The following ZFAND3 variants were observed in gnomAD, a reference collection of about 807,000 sequenced individuals.
The protein encoded by ZFAND3 is zinc finger AN1-type containing 3.
ZFAND3 carries 10 observed loss-of-function variants against 29.6 expected under a neutral mutation model. That is an observed-to-expected ratio of 0.34 (90% CI 0.21 to 0.57). The LOEUF (loss-of-function observed/expected upper bound fraction) is 0.57. ZFAND3 is among the 20% of genes least tolerant of loss of function. ZFAND3 has a pLI of 0.86. For missense variants in ZFAND3, 230 were observed against 304.5 expected (o/e 0.76, Z 1.82); for synonymous variants, 128 against 112.6 (o/e 1.14, Z -0.87).
At chr6:38,111,573 A>G (rs1019459365) in intron 4 of ZFAND3, among the ~76,000 whole-genome samples, 5 of 152,162 alleles carry the variant, frequency 3.3e-5, no homozygotes, top group Non-Finnish European at 7.3e-5. Flanking sequence ...GAAGACAACA[A>G]CGATGAAGAC....
chr6:38,063,626 A>G (rs888529153), intron 3 of ZFAND3, among the ~76,000 whole-genome samples: 6 of 152,206 alleles, frequency 3.9e-5, no homozygotes, highest in Non-Finnish European at 7.3e-5. Context: ...ACAGAGTAGA[A>G]TGAGCTGTGG....
chr6:37,996,507 A>G (rs961005070), intron 2 of ZFAND3, among the ~76,000 whole-genome samples: 3 of 152,190 alleles, frequency 2.0e-5, no homozygotes, highest in Non-Finnish European at 4.4e-5. Flanking sequence ...TCTTTTATCC[A>G]ACATTTCCTG....
intron 1 of ZFAND3, among the ~76,000 whole-genome samples, chr6:37,901,717 T>G (rs1765322228): frequency 6.6e-6 from 1 of 152,222 alleles, no homozygotes; most frequent in African/African-American, 2.4e-5. Context: ...TTAGAGGGGC[T>G]TCAGCCTTTT....
intron 2 of ZFAND3, among the ~76,000 whole-genome samples, chr6:37,979,373 G>A (rs1762542531): frequency 6.6e-6 from 1 of 152,180 alleles, no homozygotes; most frequent in Admixed American, 6.5e-5. Flanking sequence ...GATACTGTGA[G>A]ATTTACTTTG....
chr6:38,014,189 G>T (rs531671007), intron 2 of ZFAND3, among the ~76,000 whole-genome samples: 1 of 152,214 alleles, frequency 6.6e-6, no homozygotes, highest in Admixed American at 6.5e-5. Flanking sequence ...AATATTAGTC[G>T]TGCAACTTTT....
chr6:37,841,046 T>C (rs183639987), intron 1 of ZFAND3, among the ~76,000 whole-genome samples: 80 of 152,312 alleles, frequency 5.3e-4, no homozygotes, highest in African/African-American at 1.9e-3. Flanking sequence ...TCAAGATACT[T>C]GAGAAACAAT....
At chr6:37,932,161 C>T (rs1261789588) in intron 2 of ZFAND3, among the ~76,000 whole-genome samples, 17 of 151,650 alleles carry the variant, frequency 1.1e-4, no homozygotes, top group Admixed American at 2.0e-4. Flanking sequence ...CCCAGCTACT[C>T]GGGAGGCTGA....
chr6:37,974,394 CTCTCTCTCT>C lies in ZFAND3; in HGVS notation c.112+44397_112+44405del, dbSNP rs1477440339. ...ATCATGCATTATATACTCTCTCTCT[CTCTCTCTCT>C]TTTTTTTTTTTTTTTTTTGGAGACA... On this transcript the variant is annotated intron_variant, in intron 2 of 5. Coordinates refer to ENST00000287218, the MANE Select transcript of ZFAND3 (RefSeq NM_021943.3). Among the ~76,000 whole-genome samples, 13 of 84,212 alleles carry C rather than the reference CTCTCTCTCT, an allele frequency of 1.5e-4. No homozygotes were observed. The South Asian group carries it at 1.8e-3, about 12-fold the overall frequency. 55.2% of individuals were successfully genotyped at this position (84,212 alleles called of 152,430 possible). A position where few individuals can be genotyped will look rare whatever the true frequency, so the allele number is the denominator to read the frequency against.
rs58236393 is a variant in ZFAND3, at chr6:37,987,174, G to C, written c.112+57175G>C. On this transcript the variant is annotated intron_variant, in intron 2 of 5. Coordinates refer to ENST00000287218, the MANE Select transcript of ZFAND3 (RefSeq NM_021943.3). ...ATTATAAACTCAGAACAAAGGAGTG[G>C]AGTTAGAAGTGAGTGGCCAGTGGAA... is the stretch of plus-strand genomic sequence containing the variant. Among the ~76,000 whole-genome samples the C allele has an allele frequency of 5.1e-3, 783 of 152,298 alleles. 10 individuals are homozygous for C. Among genetic ancestry groups the C allele is most frequent in the African/African-American group, 0.018 (727 of 41,538 alleles).
chr6:38,012,472 G>A (rs555712361), intron 2 of ZFAND3, among the ~76,000 whole-genome samples: 2 of 149,794 alleles, frequency 1.3e-5, no homozygotes, highest in African/African-American at 4.9e-5. Context: ...TCCGCCTCCC[G>A]GGTTCAAGGG....
At chr6:38,149,429 A>C (rs931775523) in intron 5 of ZFAND3, among the ~76,000 whole-genome samples, 3 of 150,268 alleles carry the variant, frequency 2.0e-5, no homozygotes, top group Non-Finnish European at 4.5e-5. Flanking sequence ...AAAAAAAAAA[A>C]CCTAAGCCAA....
chr6:38,066,649 CAG>C (rs1023260574), intron 3 of ZFAND3, among the ~76,000 whole-genome samples: 1 of 152,090 alleles, frequency 6.6e-6, no homozygotes, highest in African/African-American at 2.4e-5. Context: ...TACAAGAAAA[CAG>C]ATGTTGCTTA....
At chr6:37,947,489 A>G (rs1198760705) in intron 2 of ZFAND3, among the ~76,000 whole-genome samples, 1 of 152,152 alleles carries the variant, frequency 6.6e-6, no homozygotes, top group African/African-American at 2.4e-5. Flanking sequence ...ATAAAATTAG[A>G]TGATATAGAT....
chr6:37,847,407 C>T (rs1303877352), intron 1 of ZFAND3, among the ~76,000 whole-genome samples: 2 of 152,002 alleles, frequency 1.3e-5, no homozygotes, highest in Non-Finnish European at 2.9e-5. Context: ...AACCCTGTCT[C>T]TACTAAAAAT....
At chr6:37,893,072 C>T (rs1455036165) in intron 1 of ZFAND3, among the ~76,000 whole-genome samples, 2 of 152,108 alleles carry the variant, frequency 1.3e-5, no homozygotes, top group Admixed American at 1.3e-4. Flanking sequence ...CACACACACA[C>T]GTTTAGGAGG....
chr6:37,855,456 T>C (rs1445783482), intron 1 of ZFAND3, among the ~76,000 whole-genome samples: 1 of 152,022 alleles, frequency 6.6e-6, no homozygotes, highest in Non-Finnish European at 1.5e-5. Context: ...CTGGCAGCAA[T>C]TGAAATTTGT....
chr6:38,154,103 C>T lies in ZFAND3; in HGVS notation c.*1714C>T, dbSNP rs938801921. 9 of 985,538 alleles carry T rather than the reference C, an allele frequency of 9.1e-6. No homozygotes were observed. Among genetic ancestry groups the T allele is most frequent in the East Asian group, 1.1e-4 (1 of 8,818 alleles). 61.0% of individuals were successfully genotyped at this position (985,538 alleles called of 1,614,324 possible). On this transcript the variant is annotated 3_prime_UTR_variant, in exon 6 of 6. Coordinates refer to ENST00000287218, the MANE Select transcript of ZFAND3 (RefSeq NM_021943.3). ...CCCAGACCGGTGTCTTGCTCTAGGG[C>T]AACCCAGGGCAGAGGGGCCAGGTCT...
chr6:38,077,770 A>T (rs964425378), intron 3 of ZFAND3, among the ~76,000 whole-genome samples: 1 of 152,188 alleles, frequency 6.6e-6, no homozygotes, highest in African/African-American at 2.4e-5. Flanking sequence ...AAGAAATGGT[A>T]TTTTTCTGTA....
chr6:37,945,830 T>C (rs1425675323), intron 2 of ZFAND3, among the ~76,000 whole-genome samples: 1 of 152,250 alleles, frequency 6.6e-6, no homozygotes, highest in Non-Finnish European at 1.5e-5. Flanking sequence ...CTTTTTCCTT[T>C]TTTGGTGTCA....
Sources: gnomAD v4.1 joint callset for allele counts (sites outside exome capture counted in the v4.1 genomes callset) on GRCh38, gnomAD v4.1.1 for gene constraint, MANE v1.5 for transcripts, NCBI Gene and HGNC (gene_info 2026-07-23, HGNC 2026-07-21) for gene names.